USP24: variants seen among roughly 807,000 people sequenced by gnomAD.
USP24 encodes the protein ubiquitin specific peptidase 24, also known as ubiquitin carboxyl-terminal hydrolase 24.
A neutral mutation model predicts 361.6 loss-of-function variants in USP24; 97 were observed. The observed-to-expected ratio is 0.27, with a 90% confidence interval of 0.23 to 0.32. The LOEUF is 0.32. USP24 is among the 10% of genes least tolerant of loss of function. The pLI, the probability that USP24 is intolerant of heterozygous loss-of-function variation, is 1.00. For missense variants in USP24, 2,353 were observed against 3,165.6 expected (o/e 0.74, Z 6.16); for synonymous variants, 1,098 against 1,124.6 (o/e 0.98, Z 0.47).
chr1:55,078,026 A>G (rs894828194), intron 61 of USP24, among the ~76,000 whole-genome samples: 2 of 152,208 alleles, frequency 1.3e-5, no homozygotes, highest in Non-Finnish European at 2.9e-5. Context: ...ACATATTATA[A>G]TAAGAGCCTA....
intron 48 of USP24, 22 bp from the exon 49 acceptor site, chr1:55,097,194 A>AT (rs767468318): frequency 3.7e-5 from 59 of 1,612,036 alleles, no homozygotes; most frequent in Middle Eastern, 1.6e-4. Flanking sequence ...CAAAAAGACC[A>AT]TATTAACGTT....
chr1:55,069,107 C>G lies in USP24; in HGVS notation c.7801G>C (p.Gly2601Arg). The G allele has an allele frequency of 6.2e-7, 1 of 1,613,934 alleles. No homozygotes were observed. The highest frequency in any genetic ancestry group is 1.3e-5 in the African/African-American group (1 of 75,028). Residue 2601 changes from glycine (G) to arginine (R), a missense_variant and splice_region_variant, in exon 68 of 68, where the codon GGT becomes CGT. This residue lies in a region of USP24 where 53 missense variants were observed against 57.7 expected (regional missense o/e 0.92). Transcript: ENST00000294383. ...CCAATCATCATGGGAGATTCTGAAC[C>G]CTGCAGAAAAGAAAAGGAAGTTAAA... ...NENGDRHLQQ[G>R]SESPMMIGEL...
At position 55,074,898 on chromosome 1, in the gene USP24, A is replaced by G. The variant is rs560843311; in HGVS notation, c.7447+559T>C. 1.2e-4 allele frequency among the ~76,000 whole-genome samples: 18 copies of G among 152,272 alleles called. No homozygotes were observed. The East Asian group carries it at 3.3e-3, about 28-fold the overall frequency. On this transcript the variant is annotated intron_variant, in intron 63 of 67. Coordinates refer to ENST00000294383, the MANE Select transcript of USP24 (RefSeq NM_015306.3). ...ATCTAAAATGATTCAGATTAAGTGGAAATACAGGTAAATGGTGGAAGCTGG... is the reference window on the plus strand; with the variant it reads ...ATCTAAAATGATTCAGATTAAGTGGGAATACAGGTAAATGGTGGAAGCTGG...
Position 55,154,431 on chromosome 1 carries a change from C to T in USP24, c.1590G>A (p.Lys530=), listed in dbSNP as rs1350812597. 1 of 1,551,370 alleles carries T rather than the reference C, an allele frequency of 6.4e-7. No homozygotes were observed. The highest frequency in any genetic ancestry group is 1.4e-5 in the African/African-American group (1 of 73,018). Residue 530 remains lysine (K), a synonymous_variant, in exon 14 of 68, where the codon AAG becomes AAA. Coordinates refer to ENST00000294383, the MANE Select transcript of USP24 (RefSeq NM_015306.3). ...CTATTCGTCCAATCAGGCTCAAAAG[C>T]TTCTGTCTTACTCTATCACTCTCAG... ...WETESDRVRQ[K]LLSLIGRIGR...
chr1:55,164,150 A>C (rs1648580600), intron 7 of USP24, among the ~76,000 whole-genome samples: 1 of 151,866 alleles, frequency 6.6e-6, no homozygotes, highest in South Asian at 2.1e-4. Flanking sequence ...TGATAGTACT[A>C]ACCTGGAAAG....
At chr1:55,081,541 G>T in intron 58 of USP24, 117 bp from the exon 59 acceptor site, 1 of 954,434 alleles carries the variant, frequency 1.0e-6, no homozygotes, top group Non-Finnish European at 1.6e-6. Context: ...CTCAGTGCTT[G>T]ACAGAAGAGG....
chr1:55,089,351 C>G (rs1021017744), intron 55 of USP24, among the ~76,000 whole-genome samples: 2 of 152,154 alleles, frequency 1.3e-5, no homozygotes, highest in African/African-American at 2.4e-5. Context: ...TCTCTGACCC[C>G]CTTTGAACCA....
chr1:55,154,798 A>G lies in USP24; in HGVS notation c.1447-20T>C. 3 of 1,591,086 alleles carry G rather than the reference A, an allele frequency of 1.9e-6. No homozygotes were observed. Among genetic ancestry groups the G allele is most frequent in the Non-Finnish European group, 2.6e-6 (3 of 1,165,312 alleles). ...TCCTGACTGGAAAAGGAAACATTGG[A>G]AAAAAATTAAGTCTTGGAACTCGGA... On this transcript the variant is annotated intron_variant, in intron 12 of 67. Coordinates refer to ENST00000294383, the MANE Select transcript of USP24 (RefSeq NM_015306.3).
At chr1:55,171,830 A>C (rs1321995090) in intron 4 of USP24, among the ~76,000 whole-genome samples, 152 bp from the exon 5 acceptor site, 1 of 152,206 alleles carries the variant, frequency 6.6e-6, no homozygotes, top group African/African-American at 2.4e-5. Flanking sequence ...AGCTAGTGCA[A>C]AAGTGCTAAG....
intron 49 of USP24, 55 bp from the exon 50 acceptor site, chr1:55,096,677 T>C: frequency 1.3e-6 from 2 of 1,567,976 alleles, no homozygotes; most frequent in Non-Finnish European, 1.7e-6. Flanking sequence ...AACCTCCTCA[T>C]CCTTAGCATT....
At chr1:55,133,375 C>T (rs921052441) in intron 30 of USP24, among the ~76,000 whole-genome samples, 6 of 152,060 alleles carry the variant, frequency 3.9e-5, no homozygotes, top group Admixed American at 2.0e-4. Context: ...CTCAGACATA[C>T]GCAATGATCA....
At chr1:55,185,435 A>C (rs1292889633) in intron 1 of USP24, among the ~76,000 whole-genome samples, 1 of 151,958 alleles carries the variant, frequency 6.6e-6, no homozygotes, top group Non-Finnish European at 1.5e-5. Context: ...ATAATAAATA[A>C]AACCAAAAGT....
rs193292651 is a variant in USP24 at position 55,187,652 on chromosome 1, C to T, written c.325-9520G>A. 8.0e-4 allele frequency among the ~76,000 whole-genome samples: 121 copies of T among 152,116 alleles called. 2 individuals carry two copies. The highest frequency in any genetic ancestry group is 5.0e-4 in the Non-Finnish European group (34 of 67,984). On this transcript the variant is annotated intron_variant, in intron 1 of 67. Coordinates refer to ENST00000294383, the MANE Select transcript of USP24 (RefSeq NM_015306.3). The stretch of plus-strand genomic sequence containing the variant: ...ACACTAACAACTGTATTTCTATACA[C>T]TAACAATGGGTAATCCTAAAATAAA...
At chr1:55,080,747 A>G (rs1035525232) in intron 59 of USP24, among the ~76,000 whole-genome samples, 1 of 152,292 alleles carries the variant, frequency 6.6e-6, no homozygotes, top group South Asian at 2.1e-4. Context: ...CATATAGGAC[A>G]ATTTGTGGTT....
At chr1:55,193,390 G>A (rs1027402286) in intron 1 of USP24, among the ~76,000 whole-genome samples, 3 of 152,194 alleles carry the variant, frequency 2.0e-5, no homozygotes, top group Admixed American at 2.0e-4. Context: ...ATACAGAGAA[G>A]CAAGGTTTTC....
chr1:55,154,506 A>G, intron 13 of USP24, 40 bp from the exon 14 acceptor site: 1 of 1,540,036 alleles, frequency 6.5e-7, no homozygotes, highest in South Asian at 1.2e-5. Context: ...TTCACGATCA[A>G]ACTGGCAAAA....
At chr1:55,161,646 A>C (rs2100766356) in intron 8 of USP24, among the ~76,000 whole-genome samples, 1 of 152,332 alleles carries the variant, frequency 6.6e-6, no homozygotes, top group African/African-American at 2.4e-5. Flanking sequence ...GTTCGGTAAA[A>C]CTTGTTAACT....
Position 55,171,598 on chromosome 1 carries a change from C to T in USP24, c.783G>A (p.Glu261=). The change falls in exon 5 of 68, where the codon GAG becomes GAA. Residue 261 remains glutamate (E), a synonymous_variant. Transcript: ENST00000294383. ...CAGGTGAAACAGCAAACATATTTCC[C>T]TCTCCAAACACTTCTGCCCAATTCC... ...SQRNWAEVFG[E]GNMFAVSPVS... is the part of the protein sequence containing the mutation. The T allele has an allele frequency of 2.5e-6, 4 of 1,611,360 alleles. No individual in the cohort carries two copies. The East Asian group carries it at 8.9e-5, about 36-fold the overall frequency.
rs1026838270 is a variant in USP24 at position 55,146,081 on chromosome 1, T to C, written c.2279A>G (p.Gln760Arg). The C allele has an allele frequency of 1.2e-6, 2 of 1,613,060 alleles. No individual in the cohort carries two copies. Among genetic ancestry groups the C allele is most frequent in the African/African-American group, 2.7e-5 (2 of 74,898 alleles). The change falls in exon 20 of 68, where the codon CAG (glutamine) becomes CGG (arginine). Residue 760 changes from glutamine to arginine, a missense_variant. Physicochemically the swap from Gln to Arg is conservative, Grantham distance 43. Transcript: ENST00000294383. ...EMCFEWFTKG[Q>R]HDLESDVQQQ... ...CTGAACATCACTCTCAAGATCATGC[T>C]GTCCTTTTGTAAACCATTCAAAACA...
Sources: gnomAD v4.1 joint callset for allele counts (sites outside exome capture counted in the v4.1 genomes callset) on GRCh38, gnomAD v4.1.1 for gene constraint, gnomAD v4.1.1 regional missense constraint, MANE v1.5 for transcripts, NCBI Gene and HGNC (gene_info 2026-07-23, HGNC 2026-07-21) for gene names.